MYH14: variants seen among roughly 807,000 people sequenced by gnomAD.
MYH14 encodes myosin heavy chain 14.
In MYH14, 123 loss-of-function variants were observed where a neutral mutation model predicts 255.5. The ratio of observed to expected loss-of-function variants is 0.48; its 90% confidence interval spans 0.42 to 0.56. The LOEUF (loss-of-function observed/expected upper bound fraction) is 0.56. Ranked by LOEUF, MYH14 falls within the 20% of genes least tolerant of loss-of-function variation. MYH14 has a pLI of 0.00. For missense variants in MYH14, 2,423 were observed against 2,802.3 expected (o/e 0.86, Z 3.06); for synonymous variants, 1,095 against 1,161.2 (o/e 0.94, Z 1.16).
chr19:50,207,271 C>G (rs8100879), intron 1 of MYH14, among the ~76,000 whole-genome samples: 1,462 of 76,662 alleles, frequency 0.019, 5 homozygotes, highest in Middle Eastern at 0.036. Flanking sequence ...GAGAGAGAGA[C>G]AGAGAGAGAG....
chr19:50,310,029 G>T lies in MYH14; in HGVS notation c.*239G>T. On this transcript the variant is annotated 3_prime_UTR_variant, in exon 43 of 43. Coordinates refer to ENST00000642316, the MANE Select transcript of MYH14 (RefSeq NM_001145809.2). ...AATGACTGGAGCTACCTTGCTTGTT[G>T]GGGGACTGGGTACAGTTGGCAAGCT... is the stretch of plus-strand genomic sequence containing the variant. The T allele has an allele frequency of 1.6e-6, 1 of 616,508 alleles. No individual in the cohort carries two copies. The highest frequency in any genetic ancestry group is 2.9e-6 in the Non-Finnish European group (1 of 347,800). 38.2% of individuals were successfully genotyped at this position (616,508 alleles called of 1,614,324 possible).
At chr19:50,303,484 T>C (rs2036560462) in intron 40 of MYH14, among the ~76,000 whole-genome samples, 1 of 152,142 alleles carries the variant, frequency 6.6e-6, no homozygotes, top group African/African-American at 2.4e-5. Flanking sequence ...TTCTGCCATA[T>C]CCTATTAACC....
chr19:50,239,901 A>G (rs1477668552), intron 10 of MYH14, among the ~76,000 whole-genome samples: 2 of 152,186 alleles, frequency 1.3e-5, no homozygotes, highest in African/African-American at 2.4e-5. Context: ...ATACACACCA[A>G]TAAAAGGAGC....
At chr19:50,271,020 C>A (rs970676713) in intron 24 of MYH14, among the ~76,000 whole-genome samples, 1 of 152,126 alleles carries the variant, frequency 6.6e-6, no homozygotes, top group African/African-American at 2.4e-5. Flanking sequence ...AGTTTATAAT[C>A]TGTACCCCTA....
intron 39 of MYH14, among the ~76,000 whole-genome samples, chr19:50,297,095 C>T (rs1049328476): frequency 6.6e-6 from 1 of 152,054 alleles, no homozygotes; most frequent in African/African-American, 2.4e-5. Flanking sequence ...AAGTGATTCT[C>T]CTGCCTCAGC....
chr19:50,309,854 G>A lies in MYH14; in HGVS notation c.*64G>A, dbSNP rs779130953. On this transcript the variant is annotated 3_prime_UTR_variant, in exon 43 of 43. Coordinates refer to ENST00000642316, the MANE Select transcript of MYH14 (RefSeq NM_001145809.2). ...AGCCCCCTTCCTCCCTGGACCCCAC[G>A]GGCCCCTGTCCCAGGAACCCCGCCC... 46 of 1,448,142 alleles carry A rather than the reference G, an allele frequency of 3.2e-5. No homozygotes were observed. The highest frequency in any genetic ancestry group is 2.1e-4 in the Admixed American group (10 of 47,436). The allele number at this position is 1,448,142 out of a possible 1,614,324, so 89.7% of individuals were successfully genotyped here. A position where few individuals can be genotyped will look rare whatever the true frequency, so the allele number is the denominator to read the frequency against.
Position 50,307,081 on chromosome 19 carries a change from G to T in MYH14, c.5711G>T (p.Arg1904Ile). The T allele has an allele frequency of 6.4e-7, 1 of 1,551,200 alleles. No homozygotes were observed. Among genetic ancestry groups the T allele is most frequent in the Non-Finnish European group, 8.7e-7 (1 of 1,146,928 alleles). The change falls in exon 41 of 43, where the codon AGA becomes ATA. Residue 1904 changes from arginine (R) to isoleucine (I), a missense_variant. By Grantham distance (97) the Arg-to-Ile change is moderately conservative. This residue lies in a region of MYH14 where 1,513 missense variants were observed against 1,674.8 expected (regional missense o/e 0.90). Transcript: ENST00000642316. The part of the protein sequence containing the change: ...ERILSGKLVR[R>I]AEKRLKEVVL... ...ATCCTCTCTGGAAAGCTGGTGCGCA[G>T]AGCTGAGAAGCGGCTTAAAGAGGTG...
Position 50,257,337 on chromosome 19 carries a change from G to C in MYH14, c.2083G>C (p.Gly695Arg). ...IVGLEQVSSL[G>R]DGPPGGRPRR... Reference sequence around the variant, plus strand: ...GGGGCTGGAACAGGTGAGCAGCCTGGGCGACGGCCCACCAGGTGGCCGCCC... The same window carrying C: ...GGGGCTGGAACAGGTGAGCAGCCTGCGCGACGGCCCACCAGGTGGCCGCCC... Residue 695 changes from glycine (G) to arginine (R), a missense_variant, in exon 18 of 43, where the codon GGC (glycine) becomes CGC (arginine). This residue lies in a region of MYH14 where 672 missense variants were observed against 881.8 expected (regional missense o/e 0.76). Transcript: ENST00000642316. The C allele has an allele frequency of 1.2e-6, 2 of 1,609,540 alleles. No individual in the cohort carries two copies. Among genetic ancestry groups the C allele is most frequent in the Middle Eastern group, 1.7e-4 (1 of 6,052 alleles).
At chr19:50,270,468 C>G (rs1330278279) in intron 24 of MYH14, among the ~76,000 whole-genome samples, 3 of 148,446 alleles carry the variant, frequency 2.0e-5, no homozygotes, top group Non-Finnish European at 4.4e-5. Flanking sequence ...TTGCAGTGAG[C>G]CAAGACTGCA....
chr19:50,243,261 C>A (rs1018005775), intron 10 of MYH14, among the ~76,000 whole-genome samples: 29 of 152,096 alleles, frequency 1.9e-4, no homozygotes, highest in Admixed American at 1.3e-4. Flanking sequence ...CATGGCGAAA[C>A]CCCATCTCTA....
chr19:50,274,343 G>C (rs2035426734), intron 27 of MYH14, among the ~76,000 whole-genome samples: 1 of 152,130 alleles, frequency 6.6e-6, no homozygotes, highest in Non-Finnish European at 1.5e-5. Flanking sequence ...CGCCCAGGCT[G>C]GAGTGCAGTG....
At chr19:50,206,431 G>A (rs1384680063) in intron 1 of MYH14, among the ~76,000 whole-genome samples, 2 of 151,374 alleles carry the variant, frequency 1.3e-5, no homozygotes, top group Non-Finnish European at 2.9e-5. Context: ...GGTGGGTGGG[G>A]GTGAGGGTAA....
Position 50,250,406 on chromosome 19 carries a change from C to A in MYH14, c.1657-109C>A. Reference sequence around the variant, plus strand: ...GTGAGCCACCGTGCCTGGCATCTCACGTTTGTTTTTATGTCCAAGTGTGAC... The same window carrying A: ...GTGAGCCACCGTGCCTGGCATCTCAAGTTTGTTTTTATGTCCAAGTGTGAC... On this transcript the variant is annotated intron_variant, in intron 14 of 42. Coordinates refer to ENST00000642316, the MANE Select transcript of MYH14 (RefSeq NM_001145809.2). The surrounding 1 kb of genome is among the most constrained non-coding windows in gnomAD (Gnocchi z 5.4). The A allele has an allele frequency of 8.5e-7, 1 of 1,179,770 alleles. No individual in the cohort carries two copies. Among genetic ancestry groups the A allele is most frequent in the Admixed American group, 2.1e-5 (1 of 48,546 alleles). 73.1% of individuals were successfully genotyped at this position (1,179,770 alleles called of 1,614,324 possible).
At chr19:50,259,675 T>C (rs1423110392) in intron 19 of MYH14, among the ~76,000 whole-genome samples, 2 of 152,066 alleles carry the variant, frequency 1.3e-5, no homozygotes, top group African/African-American at 4.8e-5. Flanking sequence ...GGTCGGAAGT[T>C]CGAGACCAGC....
At chr19:50,275,422 A>G (rs935406760) in intron 27 of MYH14, among the ~76,000 whole-genome samples, 8 of 152,248 alleles carry the variant, frequency 5.3e-5, no homozygotes, top group Non-Finnish European at 8.8e-5. Flanking sequence ...TGGCAGGAAC[A>G]TTAAATGAGG....
At chr19:50,211,340 A>G (rs1297803679) in intron 2 of MYH14, among the ~76,000 whole-genome samples, 1 of 152,178 alleles carries the variant, frequency 6.6e-6, no homozygotes, top group Non-Finnish European at 1.5e-5. Flanking sequence ...TCTCAAAAAA[A>G]GACAAAAAGC....
chr19:50,302,638 C>T (rs948967804), intron 40 of MYH14, among the ~76,000 whole-genome samples: 4 of 151,724 alleles, frequency 2.6e-5, no homozygotes, highest in Admixed American at 2.0e-4. Flanking sequence ...CGGTGGCTCA[C>T]GCCTGTAATC....
chr19:50,237,043 C>G (rs1415066308), intron 10 of MYH14, among the ~76,000 whole-genome samples: 1 of 152,156 alleles, frequency 6.6e-6, no homozygotes, highest in Non-Finnish European at 1.5e-5. Context: ...TGAAATCATG[C>G]CGTATATGAT....
intron 10 of MYH14, among the ~76,000 whole-genome samples, chr19:50,235,519 C>T (rs1222281360): frequency 6.6e-6 from 1 of 151,792 alleles, no homozygotes; most frequent in Non-Finnish European, 1.5e-5. Context: ...TTGGCTCACT[C>T]CTGTAATCCT....
Sources: allele counts gnomAD v4.1 joint callset (sites outside exome capture counted in the v4.1 genomes callset), GRCh38; gene constraint gnomAD v4.1.1; regional missense constraint gnomAD v4.1.1; non-coding constraint Gnocchi (gnomAD v3.1); transcripts MANE v1.5; gene names NCBI Gene and HGNC (gene_info 2026-07-23, HGNC 2026-07-21).